MICU1: variants seen among roughly 807,000 people sequenced by gnomAD.
MICU1 encodes the protein mitochondrial calcium uptake 1, also known as calcium uptake protein 1, mitochondrial.
A neutral mutation model predicts 56.8 loss-of-function variants in MICU1; 45 were observed. That is an observed-to-expected ratio of 0.79 (90% CI 0.62 to 1.02). The LOEUF is 1.02. Among genes scored for constraint, MICU1 ranks in the 50% least tolerant of loss-of-function variants. The pLI is 0.00. For missense variants in MICU1, 504 were observed against 587.1 expected, an observed-to-expected ratio of 0.86 and a Z score of 1.46; for synonymous variants, 186 against 195.1, an observed-to-expected ratio of 0.95 and a Z score of 0.39.
chr10:72,481,705 C>T (rs931726638), intron 6 of MICU1, among the ~76,000 whole-genome samples: 2 of 152,176 alleles, frequency 1.3e-5, no homozygotes, highest in African/African-American at 4.8e-5. Context: ...AGCCACAGCG[C>T]CCACCCTGAA....
At chr10:72,559,063 C>T (rs1007184549) in intron 3 of MICU1, among the ~76,000 whole-genome samples, 1 of 152,056 alleles carries the variant, frequency 6.6e-6, no homozygotes, top group African/African-American at 2.4e-5. Context: ...TGGCACACAC[C>T]TGTAGTCCTC....
intron 11 of MICU1, among the ~76,000 whole-genome samples, chr10:72,369,217 G>A (rs528159002): frequency 1.4e-3 from 214 of 151,604 alleles, no homozygotes; most frequent in African/African-American, 4.6e-3. Flanking sequence ...CGGTGATTGC[G>A]GCAATCACCA....
rs555654754 is a variant in MICU1 at position 72,578,903 on chromosome 10, C to A, written c.-1-12109G>T. On this transcript the variant is annotated intron_variant, in intron 1 of 11. Transcript: ENST00000361114. ...TACAGGTGTGAGTCACCGCGCCCAG[C>A]CTGTTTTTTAGATATAATGTTACTG... Among the ~76,000 whole-genome samples the A allele has an allele frequency of 2.0e-5, 3 of 152,254 alleles. No homozygotes were observed. The South Asian group carries it at 6.2e-4, about 32-fold the overall frequency.
intron 3 of MICU1, among the ~76,000 whole-genome samples, chr10:72,552,307 C>CTGG (rs1172109104): frequency 6.6e-6 from 1 of 152,114 alleles, no homozygotes; most frequent in African/African-American, 2.4e-5. Flanking sequence ...ATTCCCTTAT[C>CTGG]TGGTATACAA....
intron 6 of MICU1, among the ~76,000 whole-genome samples, chr10:72,502,023 C>A (rs1184954066): frequency 1.3e-5 from 2 of 152,078 alleles, no homozygotes; most frequent in African/African-American, 4.8e-5. Context: ...TATTTTAGAC[C>A]ACATAGTAGT....
intron 8 of MICU1, among the ~76,000 whole-genome samples, chr10:72,448,189 A>ATTTTTTTTTTTTT (rs1250710380): frequency 1.8e-5 from 1 of 55,316 alleles, no homozygotes; most frequent in Non-Finnish European, 3.8e-5. Context: ...ATATATATAT[A>ATTTTTTTTTTTTT]TATATTTTTT....
At chr10:72,558,434 G>C (rs998373230) in intron 3 of MICU1, among the ~76,000 whole-genome samples, 1 of 152,174 alleles carries the variant, frequency 6.6e-6, no homozygotes, top group African/African-American at 2.4e-5. Flanking sequence ...CATAGTATAT[G>C]GGATATGAAC....
intron 8 of MICU1, among the ~76,000 whole-genome samples, chr10:72,424,058 T>C (rs945017759): frequency 1.3e-5 from 2 of 152,110 alleles, no homozygotes; most frequent in Non-Finnish European, 2.9e-5. Flanking sequence ...GAGCAAAACA[T>C]AGAACTGTAT....
intron 6 of MICU1, among the ~76,000 whole-genome samples, chr10:72,507,702 G>A (rs956684147): frequency 2.0e-5 from 3 of 151,972 alleles, no homozygotes; most frequent in African/African-American, 7.3e-5. Context: ...CTGGAGGGTG[G>A]TGGCCTCATC....
chr10:72,498,547 T>C (rs1449911520), intron 6 of MICU1, among the ~76,000 whole-genome samples: 2 of 151,814 alleles, frequency 1.3e-5, no homozygotes, highest in South Asian at 2.1e-4. Context: ...GATAGCGCCA[T>C]TGCACTCCAG....
intron 8 of MICU1, among the ~76,000 whole-genome samples, chr10:72,439,072 T>C (rs1233188249): frequency 1.3e-5 from 2 of 152,116 alleles, no homozygotes; most frequent in Non-Finnish European, 2.9e-5. Flanking sequence ...CATCCTGATA[T>C]GAAAGCCTGG....
At chr10:72,495,549 G>A (rs1448899369) in intron 6 of MICU1, among the ~76,000 whole-genome samples, 1 of 151,422 alleles carries the variant, frequency 6.6e-6, no homozygotes, top group Non-Finnish European at 1.5e-5. Flanking sequence ...TCAGCTACTT[G>A]GAAGCTGAGG....
chr10:72,590,681 G>T, intron 1 of MICU1, among the ~76,000 whole-genome samples: 1 of 151,826 alleles, frequency 6.6e-6, no homozygotes, highest in Admixed American at 6.6e-5. Flanking sequence ...TGCATGGTGG[G>T]GTGTGCCTGT....
intron 8 of MICU1, among the ~76,000 whole-genome samples, chr10:72,426,803 C>T (rs1487814768): frequency 6.6e-6 from 1 of 152,196 alleles, no homozygotes; most frequent in Non-Finnish European, 1.5e-5. Flanking sequence ...CAACCGCTAT[C>T]TTAAGCTGGG....
chr10:72,531,901 C>A (rs1296063767), intron 5 of MICU1, among the ~76,000 whole-genome samples: 2 of 147,170 alleles, frequency 1.4e-5, no homozygotes, highest in Non-Finnish European at 3.0e-5. Flanking sequence ...TTTTTTTAGT[C>A]CTTTATCTTT....
At chr10:72,468,685 T>G (rs1349164673) in intron 8 of MICU1, among the ~76,000 whole-genome samples, 1 of 152,126 alleles carries the variant, frequency 6.6e-6, no homozygotes, top group Non-Finnish European at 1.5e-5. Flanking sequence ...CTAATAATTC[T>G]TGTGATTAAA....
rs527632764 is a variant in MICU1 at position 72,568,442 on chromosome 10, C to T, written c.-1-1648G>A. 5.5e-4 allele frequency among the ~76,000 whole-genome samples: 83 copies of T among 152,192 alleles called. 1 individual carries two copies. The highest frequency in any genetic ancestry group is 4.8e-3 in the South Asian group (23 of 4,824). On this transcript the variant is annotated intron_variant, in intron 1 of 11. Coordinates refer to ENST00000361114, the MANE Select transcript of MICU1 (RefSeq NM_001195518.2). ...TTGCTCTAACCAATGGAATGTGGACCAGTTCCATGAAGTGCTTTTAGGAGG... is the reference window on the plus strand; with the variant it reads ...TTGCTCTAACCAATGGAATGTGGACTAGTTCCATGAAGTGCTTTTAGGAGG...
intron 9 of MICU1, among the ~76,000 whole-genome samples, chr10:72,412,854 G>GAA (rs57152777): frequency 0.01 from 800 of 77,044 alleles, 8 homozygotes; most frequent in East Asian, 0.054. Flanking sequence ...TCTGTCTCCA[G>GAA]AAAAAAAAAA....
chr10:72,459,534 T>C (rs1865584481), intron 8 of MICU1, among the ~76,000 whole-genome samples: 1 of 152,192 alleles, frequency 6.6e-6, no homozygotes, highest in African/African-American at 2.4e-5. Context: ...GAGGGTGATC[T>C]GGCTGAGACC....
Sources: allele counts gnomAD v4.1 joint callset (sites outside exome capture counted in the v4.1 genomes callset), GRCh38; gene constraint gnomAD v4.1.1; transcripts MANE v1.5; gene names NCBI Gene and HGNC (gene_info 2026-07-23, HGNC 2026-07-21).